The following RSRC1 variants were observed in gnomAD, a reference collection of about 807,000 sequenced individuals.
RSRC1 encodes serine/Arginine-related protein 53.
Under a neutral mutation model 49.1 loss-of-function variants are expected in RSRC1, and 39 were observed. That is an observed-to-expected ratio of 0.79 (90% confidence interval 0.61 to 1.04). The LOEUF is 1.04. RSRC1 is among the 50% of genes least tolerant of loss of function. The probability of loss-of-function intolerance (pLI) is 0.00; values close to 1 mark genes in which losing one functional copy is unlikely to be tolerated. For synonymous variants in RSRC1, 143 were observed against 130.8 expected, an observed-to-expected ratio of 1.09 and a Z score of -0.63; for missense variants, 388 against 402.4, an observed-to-expected ratio of 0.96 and a Z score of 0.31.
chr3:158,178,856 T>C (rs1719420000), intron 3 of RSRC1, among the ~76,000 whole-genome samples: 1 of 152,226 alleles, frequency 6.6e-6, no homozygotes, highest in African/African-American at 2.4e-5. Context: ...AAATTAGGTT[T>C]TGACCTTTTT....
chr3:158,257,650 A>G (rs1724643102), intron 4 of RSRC1, among the ~76,000 whole-genome samples: 1 of 152,094 alleles, frequency 6.6e-6, no homozygotes. Context: ...GTTTTTATTG[A>G]TAAATAGATA....
intron 5 of RSRC1, among the ~76,000 whole-genome samples, chr3:158,307,557 T>G (rs1241249456): frequency 6.6e-6 from 1 of 151,906 alleles, no homozygotes; most frequent in African/African-American, 2.4e-5. Flanking sequence ...ACATTTACTC[T>G]AAATATTTTA....
chr3:158,125,968 G>T lies in RSRC1; in HGVS notation c.320+1977G>T, dbSNP rs999816804. Reference sequence around the variant, plus strand: ...CATTATATAATTTTCTTTTTTTCTTGTGACAGTCTTTGACTTAAAGTCTAT... The same window carrying T: ...CATTATATAATTTTCTTTTTTTCTTTTGACAGTCTTTGACTTAAAGTCTAT... On this transcript the variant is annotated intron_variant, in intron 3 of 9. Transcript: ENST00000611884. 3.3e-5 allele frequency among the ~76,000 whole-genome samples: 5 copies of T among 151,416 alleles called. No individual in the cohort carries two copies. In the East Asian group the frequency reaches 5.8e-4, roughly 18 times the overall value.
At chr3:158,199,148 A>C (rs1353661878) in intron 3 of RSRC1, among the ~76,000 whole-genome samples, 1 of 152,104 alleles carries the variant, frequency 6.6e-6, no homozygotes, top group Non-Finnish European at 1.5e-5. Flanking sequence ...TCTCTGCACA[A>C]GCTCTTTCTT....
chr3:158,360,322 T>TA (rs1213290653), intron 6 of RSRC1, among the ~76,000 whole-genome samples: 1 of 152,090 alleles, frequency 6.6e-6, no homozygotes, highest in Non-Finnish European at 1.5e-5. Context: ...GGGGAGGAAA[T>TA]ACACACTGAT....
At chr3:158,414,562 A>G (rs1194706289) in intron 6 of RSRC1, among the ~76,000 whole-genome samples, 1 of 152,092 alleles carries the variant, frequency 6.6e-6, no homozygotes, top group Non-Finnish European at 1.5e-5. Context: ...GAATTAAATT[A>G]TTATTTTTTT....
intron 7 of RSRC1, among the ~76,000 whole-genome samples, chr3:158,473,625 T>C (rs1003635012): frequency 1.3e-5 from 2 of 151,848 alleles, no homozygotes; most frequent in East Asian, 1.9e-4. Flanking sequence ...AACAAACCTG[T>C]ACGTTGTGCA....
chr3:158,362,985 A>G (rs1319013470), intron 6 of RSRC1, among the ~76,000 whole-genome samples: 2 of 152,218 alleles, frequency 1.3e-5, no homozygotes, highest in African/African-American at 4.8e-5. Context: ...AAAAGATAGA[A>G]ATTTCTTTTT....
intron 4 of RSRC1, among the ~76,000 whole-genome samples, chr3:158,273,573 A>G (rs1725639726): frequency 6.6e-6 from 1 of 152,058 alleles, no homozygotes; most frequent in Admixed American, 6.6e-5. Flanking sequence ...ACTGAGGCCT[A>G]TTTCCTGTAA....
At position 158,514,104 on chromosome 3, in the gene RSRC1, G is replaced by A. The variant is rs576522272; in HGVS notation, c.653-22988G>A. 8.5e-5 allele frequency among the ~76,000 whole-genome samples: 13 copies of A among 152,244 alleles called. 1 individual carries two copies. In the South Asian group the frequency reaches 2.3e-3, roughly 27 times the overall value. On this transcript the variant is annotated intron_variant, in intron 7 of 9. Transcript: ENST00000611884. Reference sequence around the variant, plus strand: ...ATTAATTTTTTGAAGGGTTTTCTGTGTCTCTATTTCCTTCAGTTCTGCTCT... The same window carrying A: ...ATTAATTTTTTGAAGGGTTTTCTGTATCTCTATTTCCTTCAGTTCTGCTCT...
intron 4 of RSRC1, among the ~76,000 whole-genome samples, chr3:158,238,502 C>G (rs1723369509): frequency 6.6e-6 from 1 of 152,190 alleles, no homozygotes; most frequent in Non-Finnish European, 1.5e-5. Context: ...CAGCATGGTA[C>G]TGGTACCAAA....
chr3:158,456,274 A>G (rs1022383768), intron 6 of RSRC1, among the ~76,000 whole-genome samples: 4 of 150,666 alleles, frequency 2.7e-5, no homozygotes, highest in African/African-American at 9.8e-5. Flanking sequence ...TGATTGAACC[A>G]GTAGATGGGG....
intron 3 of RSRC1, among the ~76,000 whole-genome samples, chr3:158,136,344 G>A (rs1716376193): frequency 6.6e-6 from 1 of 152,038 alleles, no homozygotes; most frequent in African/African-American, 2.4e-5. Flanking sequence ...ATGTTACCAT[G>A]CTCTAAAATA....
At chr3:158,190,592 T>C (rs557855296) in intron 3 of RSRC1, among the ~76,000 whole-genome samples, 227 of 151,576 alleles carry the variant, frequency 1.5e-3, no homozygotes, top group African/African-American at 5.1e-3. Context: ...AGTCATTTCA[T>C]ATCTCCCTGT....
intron 5 of RSRC1, among the ~76,000 whole-genome samples, chr3:158,315,736 AT>A (rs1490815463): frequency 3.3e-5 from 5 of 152,108 alleles, no homozygotes; most frequent in Non-Finnish European, 5.9e-5. Context: ...TGCTTGTTTT[AT>A]GTTTTATATG....
At chr3:158,127,634 A>G (rs1337957036) in intron 3 of RSRC1, among the ~76,000 whole-genome samples, 1 of 151,702 alleles carries the variant, frequency 6.6e-6, no homozygotes, top group Non-Finnish European at 1.5e-5. Flanking sequence ...GAGCTTTAAG[A>G]CAACTGTTTT....
intron 4 of RSRC1, among the ~76,000 whole-genome samples, chr3:158,208,977 T>G (rs1721506852): frequency 6.6e-6 from 1 of 152,184 alleles, no homozygotes; most frequent in East Asian, 1.9e-4. Context: ...TCTTTAAATA[T>G]GTCTTTGAAA....
intron 6 of RSRC1, among the ~76,000 whole-genome samples, chr3:158,360,185 C>T (rs1268934324): frequency 6.6e-6 from 1 of 152,118 alleles, no homozygotes; most frequent in African/African-American, 2.4e-5. Flanking sequence ...TCTCTGTAGG[C>T]AGGTCCTCCC....
chr3:158,206,061 T>TA (rs1405701560), intron 4 of RSRC1, among the ~76,000 whole-genome samples: 1 of 152,190 alleles, frequency 6.6e-6, no homozygotes. Context: ...AAACTATTTA[T>TA]AAAAATGGGT....
Sources: allele counts gnomAD v4.1 joint callset (sites outside exome capture counted in the v4.1 genomes callset), GRCh38; gene constraint gnomAD v4.1.1; transcripts MANE v1.5; gene names NCBI Gene and HGNC (gene_info 2026-07-23, HGNC 2026-07-21).